JAKMIP1: variants seen among roughly 807,000 people sequenced by gnomAD.
JAKMIP1 encodes the protein janus kinase and microtubule-interacting protein 1.
A neutral mutation model predicts 113.0 loss-of-function variants in JAKMIP1; 33 were observed. The observed-to-expected ratio is 0.29, with a 90% confidence interval of 0.22 to 0.39. The LOEUF is 0.39. Among genes scored for constraint, JAKMIP1 ranks in the 10% least tolerant of loss-of-function variants. JAKMIP1 has a pLI of 1.00. For missense variants in JAKMIP1, 813 were observed against 1,080.5 expected, an observed-to-expected ratio of 0.75 and a Z score of 3.47; for synonymous variants, 480 against 459.9, an observed-to-expected ratio of 1.04 and a Z score of -0.56.
At chr4:6,091,445 T>C (rs770962728) in intron 3 of JAKMIP1, among the ~76,000 whole-genome samples, 7 of 152,266 alleles carry the variant, frequency 4.6e-5, no homozygotes, top group Non-Finnish European at 1.0e-4. Flanking sequence ...ACAGAAACTA[T>C]AAGCTGCTAC....
chr4:6,196,762 G>C (rs1298962410), intron 1 of JAKMIP1, among the ~76,000 whole-genome samples: 3 of 151,988 alleles, frequency 2.0e-5, no homozygotes, highest in African/African-American at 7.3e-5. Flanking sequence ...TTGGGAGGCT[G>C]AGGCAGGAGA....
rs1578062866 is a variant in JAKMIP1 at position 6,040,829 on chromosome 4, G to A, written c.2098-113C>T. 8 of 776,776 alleles carry A rather than the reference G, an allele frequency of 1.0e-5. No homozygotes were observed. In the East Asian group the frequency reaches 2.1e-4, roughly 21 times the overall value. The allele number at this position is 776,776 out of a possible 1,614,324, so 48.1% of individuals were successfully genotyped here. A position where few individuals can be genotyped will look rare whatever the true frequency, so the allele number is the denominator to read the frequency against. On this transcript the variant is annotated intron_variant, in intron 17 of 20. Transcript: ENST00000409021. The surrounding 1 kb of genome is among the most constrained non-coding windows in gnomAD (Gnocchi z 5.8). ...CTCACCGAATTGGGGGCACTCAGAT[G>A]AGAAGGGACTTGGTGGTCTTCCCCG...
At chr4:6,127,927 G>A (rs1424897414) in intron 1 of JAKMIP1, among the ~76,000 whole-genome samples, 2 of 152,232 alleles carry the variant, frequency 1.3e-5, no homozygotes, top group Non-Finnish European at 2.9e-5. Context: ...TCCCCTTCCC[G>A]CACACAGGAG....
In JAKMIP1 at chr4:6,043,072, G is replaced by A. The variant is rs559032985; in HGVS notation, c.2029-845C>T. ...GCCAGCACAGGGTGGCTGCCCTGTG[G>A]GGGAGGGCTGTGGGGAGATCAGGGC... On this transcript the variant is annotated intron_variant, in intron 16 of 20. Coordinates refer to ENST00000409021, the MANE Select transcript of JAKMIP1 (RefSeq NM_001099433.2). 7.2e-5 allele frequency among the ~76,000 whole-genome samples: 11 copies of A among 152,112 alleles called. No homozygotes were observed. The South Asian group carries it at 2.3e-3, about 32-fold the overall frequency.
chr4:6,088,282 C>T lies in JAKMIP1; in HGVS notation c.625-2653G>A. ...TTTGTGCTATGAGGGGGAAAAAAAACAATAACAACATCAAAGCAAAGGAAA... is the reference window on the plus strand; with the variant it reads ...TTTGTGCTATGAGGGGGAAAAAAAATAATAACAACATCAAAGCAAAGGAAA... On this transcript the variant is annotated intron_variant, in intron 3 of 20. Transcript: ENST00000409021. This position sits in a 1 kb window ranked among gnomAD's most constrained non-coding sequence, Gnocchi z 5.5. 6.6e-6 allele frequency among the ~76,000 whole-genome samples: 1 copy of T among 152,094 alleles called. No individual in the cohort carries two copies. Among genetic ancestry groups the T allele is most frequent in the East Asian group, 1.9e-4 (1 of 5,188 alleles).
Position 6,140,385 on chromosome 4 carries a change from G to A in JAKMIP1, c.-147-27388C>T, listed in dbSNP as rs1719953740. 6.6e-6 allele frequency among the ~76,000 whole-genome samples: 1 copy of A among 151,960 alleles called. No homozygotes were observed. The highest frequency in any genetic ancestry group is 2.4e-5 in the African/African-American group (1 of 41,314). On this transcript the variant is annotated intron_variant, in intron 1 of 20. Coordinates refer to ENST00000409021, the MANE Select transcript of JAKMIP1 (RefSeq NM_001099433.2). This position sits in a 1 kb window ranked among gnomAD's most constrained non-coding sequence, Gnocchi z 9.4. ...CCCACGTGGCGAGGCTGGCTCAGCA[G>A]GAGCACTGTCCCTGTTCCCCCAAAA...
chr4:6,069,752 CAAA>C lies in JAKMIP1; in HGVS notation c.1303-4747_1303-4745del, dbSNP rs56832267. ...TGGGTGACAGGGCAAGATCCTGTCT[CAAA>C]AAAAAAAAAAAAAAGATTCAGTTTT... is the stretch of plus-strand genomic sequence containing the variant. On this transcript the variant is annotated intron_variant, in intron 8 of 20. Coordinates refer to ENST00000409021, the MANE Select transcript of JAKMIP1 (RefSeq NM_001099433.2). The surrounding 1 kb of genome is among the most constrained non-coding windows in gnomAD (Gnocchi z 4.5). 1.9e-3 allele frequency among the ~76,000 whole-genome samples: 238 copies of C among 125,014 alleles called. No homozygotes were observed. Among genetic ancestry groups the C allele is most frequent in the Middle Eastern group, 3.9e-3 (1 of 258 alleles). The allele number at this position is 125,014 out of a possible 152,430, so 82.0% of individuals were successfully genotyped here.
chr4:6,164,761 A>G (rs1215806715), intron 1 of JAKMIP1, among the ~76,000 whole-genome samples: 1 of 152,238 alleles, frequency 6.6e-6, no homozygotes, highest in Non-Finnish European at 1.5e-5. Context: ...CTTCAGTGGA[A>G]GTAATCGCAT....
At position 6,167,067 on chromosome 4, in the gene JAKMIP1, G is replaced by A. The variant is rs1723731654; in HGVS notation, c.-148+33186C>T. 6.6e-6 allele frequency among the ~76,000 whole-genome samples: 1 copy of A among 152,066 alleles called. No homozygotes were observed. The highest frequency in any genetic ancestry group is 1.5e-5 in the Non-Finnish European group (1 of 67,980). On this transcript the variant is annotated intron_variant, in intron 1 of 20. Coordinates refer to ENST00000409021, the MANE Select transcript of JAKMIP1 (RefSeq NM_001099433.2). This position sits in a 1 kb window ranked among gnomAD's most constrained non-coding sequence, Gnocchi z 5.3. Reference sequence around the variant, plus strand: ...CCCCACATCAAGTACTTGGAACAGTGCCTGGTGCGTAGGGGGTACTCAGGG... The same window carrying A: ...CCCCACATCAAGTACTTGGAACAGTACCTGGTGCGTAGGGGGTACTCAGGG...
At chr4:6,113,853 GC>G (rs1553841967) in intron 1 of JAKMIP1, among the ~76,000 whole-genome samples, 1 of 152,234 alleles carries the variant, frequency 6.6e-6, no homozygotes, top group Non-Finnish European at 1.5e-5. Flanking sequence ...CCTGCTCTGC[GC>G]CTGCTGTGTC....
At chr4:6,189,396 T>C (rs1726991860) in intron 1 of JAKMIP1, among the ~76,000 whole-genome samples, 1 of 152,174 alleles carries the variant, frequency 6.6e-6, no homozygotes, top group African/African-American at 2.4e-5. Context: ...GCTCAGACAA[T>C]TGACTGTCAC....
chr4:6,190,858 T>C (rs1727180622), intron 1 of JAKMIP1, among the ~76,000 whole-genome samples: 1 of 152,154 alleles, frequency 6.6e-6, no homozygotes, highest in Non-Finnish European at 1.5e-5. Context: ...ACTCGGCCCA[T>C]AGTCCCCTCC....
intron 1 of JAKMIP1, among the ~76,000 whole-genome samples, chr4:6,177,876 C>T (rs1325333004): frequency 6.6e-6 from 1 of 152,338 alleles, no homozygotes; most frequent in East Asian, 1.9e-4. Flanking sequence ...CCCACAACTC[C>T]TCTTCCCCAG....
chr4:6,101,998 T>C (rs552377045), intron 3 of JAKMIP1, among the ~76,000 whole-genome samples: 1 of 152,188 alleles, frequency 6.6e-6, no homozygotes, highest in African/African-American at 2.4e-5. Context: ...CTATACTAAG[T>C]CTTCTAATCG....
At chr4:6,073,525 G>A (rs1372297309) in intron 8 of JAKMIP1, among the ~76,000 whole-genome samples, 1 of 152,228 alleles carries the variant, frequency 6.6e-6, no homozygotes, top group Non-Finnish European at 1.5e-5. Context: ...TTATAAATTA[G>A]TGGGGGAGGC....
rs1720334138 is a variant in JAKMIP1 at position 6,080,385 on chromosome 4, G to A, written c.1102-73C>T. The A allele has an allele frequency of 6.5e-7, 1 of 1,534,880 alleles. No individual in the cohort carries two copies. Among genetic ancestry groups the A allele is most frequent in the Non-Finnish European group, 8.8e-7 (1 of 1,130,598 alleles). ...GTTTGTTAGGGACAGTGCTGGAGTG[G>A]AGCTCAGGGGTGCAGGGACAGAAGG... On this transcript the variant is annotated intron_variant, in intron 6 of 20. Coordinates refer to ENST00000409021, the MANE Select transcript of JAKMIP1 (RefSeq NM_001099433.2). This position sits in a 1 kb window ranked among gnomAD's most constrained non-coding sequence, Gnocchi z 6.0.
intron 1 of JAKMIP1, among the ~76,000 whole-genome samples, chr4:6,166,581 A>C (rs1723659699): frequency 6.6e-6 from 1 of 152,240 alleles, no homozygotes; most frequent in Admixed American, 6.5e-5. Context: ...TGAAATCTCC[A>C]TGCATAACTC....
chr4:6,100,172 G>T (rs543098621), intron 3 of JAKMIP1, among the ~76,000 whole-genome samples: 1 of 152,122 alleles, frequency 6.6e-6, no homozygotes, highest in Non-Finnish European at 1.5e-5. Flanking sequence ...AAGTTGTGGA[G>T]CCATCATTAT....
chr4:6,036,045 G>T lies in JAKMIP1; in HGVS notation c.2238C>A (p.Ala746=), dbSNP rs557076494. ...GCTGGCCCTCGCTCAGCGCCTCACC[G>T]GCCCTCCGCCCCGGCTCCTGCTGCA... ...TALQQEPGRR[A]GEALSEGQRE... is the part of the protein sequence containing the mutation. The change falls in exon 19 of 21, where the codon GCC becomes GCA. Residue 746 remains alanine, a synonymous_variant. Coordinates refer to ENST00000409021, the MANE Select transcript of JAKMIP1 (RefSeq NM_001099433.2). The T allele has an allele frequency of 2.4e-5, 38 of 1,555,686 alleles. No individual in the cohort carries two copies. In the South Asian group the frequency reaches 3.9e-4, roughly 16 times the overall value.
Sources: allele counts gnomAD v4.1 joint callset (sites outside exome capture counted in the v4.1 genomes callset), GRCh38; gene constraint gnomAD v4.1.1; non-coding constraint Gnocchi (gnomAD v3.1); transcripts MANE v1.5; gene names NCBI Gene and HGNC (gene_info 2026-07-23, HGNC 2026-07-21).